The following NEK4 variants were observed in gnomAD, a reference collection of about 807,000 sequenced individuals.
NEK4 encodes NIMA related kinase 4.
NEK4 carries 86 observed loss-of-function variants against 98.4 expected under a neutral mutation model. The ratio of observed to expected loss-of-function variants is 0.87; its 90% CI spans 0.73 to 1.05. The LOEUF is 1.05. NEK4 is among the 50% of genes least tolerant of loss of function. The pLI is 0.00. For synonymous variants in NEK4, 328 were observed against 342.2 expected, an observed-to-expected ratio of 0.96 and a Z score of 0.46; for missense variants, 898 against 950.3, an observed-to-expected ratio of 0.94 and a Z score of 0.72.
At chr3:52,739,182 C>T (rs1578652090) in intron 14 of NEK4, among the ~76,000 whole-genome samples, 2 of 152,240 alleles carry the variant, frequency 1.3e-5, no homozygotes, top group South Asian at 2.1e-4. Flanking sequence ...GGAGGATCAC[C>T]TTAAGTCAGG....
At chr3:52,766,678 T>G (rs1214218204) in intron 2 of NEK4, among the ~76,000 whole-genome samples, 1 of 152,232 alleles carries the variant, frequency 6.6e-6, no homozygotes, top group Non-Finnish European at 1.5e-5. Flanking sequence ...TGGCATTACA[T>G]GAATCCAGTT....
intron 15 of NEK4, chr3:52,732,630 G>T: frequency 3.1e-6 from 1 of 318,706 alleles, no homozygotes. Flanking sequence ...AATTCTCTCA[G>T]GAGGAGTGGA....
chr3:52,746,696 C>G (rs377613793), intron 9 of NEK4, 38 bp downstream of exon 9: 6 of 1,557,218 alleles, frequency 3.9e-6, no homozygotes, highest in Non-Finnish European at 5.2e-6. Context: ...ATTGAGTTTC[C>G]CAAAGTCCAC....
Position 52,751,142 on chromosome 3 carries a change from C to T in NEK4, c.1368+790G>A, listed in dbSNP as rs149856941. ...CCTGACCAACATGAAGAAACCCCGT[C>T]TGTACTAAAAACACAAAAGTAGCCG... is the stretch of plus-strand genomic sequence containing the variant. On this transcript the variant is annotated intron_variant, in intron 7 of 15. Transcript: ENST00000233027. Among the ~76,000 whole-genome samples, 317 of 152,196 alleles carry T rather than the reference C, an allele frequency of 2.1e-3. 1 individual carries two copies. The highest frequency in any genetic ancestry group is 3.8e-3 in the Non-Finnish European group (259 of 68,020).
intron 6 of NEK4, among the ~76,000 whole-genome samples, chr3:52,760,518 T>C (rs1190316933): frequency 6.6e-6 from 1 of 152,208 alleles, no homozygotes; most frequent in Non-Finnish European, 1.5e-5. Flanking sequence ...CGCTCAGCCT[T>C]AACTGTTTAC....
rs181574775 is a variant in NEK4 at position 52,749,131 on chromosome 3, T to C, written c.1506+561A>G. Among the ~76,000 whole-genome samples, 981 of 151,710 alleles carry C rather than the reference T, an allele frequency of 6.5e-3. 10 individuals carry two copies. Among genetic ancestry groups the C allele is most frequent in the African/African-American group, 0.022 (929 of 41,394 alleles). On this transcript the variant is annotated intron_variant, in intron 8 of 15. Transcript: ENST00000233027. ...GGGGAGGATGGGAGACAATATTTTA[T>C]TTTCCTTTTTTGTTTTTTTGAGATG...
chr3:52,718,697 T>C (rs893131737), intron 15 of NEK4, among the ~76,000 whole-genome samples: 9 of 152,080 alleles, frequency 5.9e-5, no homozygotes, highest in African/African-American at 2.2e-4. Context: ...GCCACCAAGC[T>C]AGCACGCAGA....
chr3:52,763,333 T>TC (rs1466087292), intron 5 of NEK4, 137 bp downstream of exon 5: 11 of 883,126 alleles, frequency 1.2e-5, no homozygotes, highest in Non-Finnish European at 1.9e-5. Flanking sequence ...TTTTGCCTCC[T>TC]CTACATATGT....
intron 6 of NEK4, chr3:52,754,569 GA>G: frequency 7.4e-7 from 1 of 1,348,608 alleles, no homozygotes; most frequent in African/African-American, 1.4e-5. Context: ...TGAAGCCAGA[GA>G]AAAGATGCTG....
chr3:52,731,964 C>T (rs2097370185), intron 15 of NEK4, among the ~76,000 whole-genome samples: 1 of 152,200 alleles, frequency 6.6e-6, no homozygotes, highest in African/African-American at 2.4e-5. Context: ...GGGCAGTCCC[C>T]CTGCACACAC....
intron 1 of NEK4, among the ~76,000 whole-genome samples, chr3:52,768,990 C>T (rs908653094): frequency 2.6e-5 from 4 of 152,130 alleles, no homozygotes; most frequent in South Asian, 2.1e-4. Flanking sequence ...GAGGGTGAGG[C>T]GGGTGGATCA....
chr3:52,752,338 T>C lies in NEK4; in HGVS notation c.964-2A>G. 1 of 1,605,930 alleles carries C rather than the reference T, an allele frequency of 6.2e-7. No homozygotes were observed. Among genetic ancestry groups the C allele is most frequent in the Non-Finnish European group, 8.5e-7 (1 of 1,175,886 alleles). Reference sequence around the variant, plus strand: ...CTGGGACAAACATTTGCCTTCACCCTGAATGAAAAGATGTTTGGAAATTAT... The same window carrying C: ...CTGGGACAAACATTTGCCTTCACCCCGAATGAAAAGATGTTTGGAAATTAT... On this transcript the variant is annotated splice_acceptor_variant, in intron 6 of 15. Coordinates refer to ENST00000233027, the MANE Select transcript of NEK4 (RefSeq NM_003157.6). LOFTEE classifies it high-confidence loss of function.
chr3:52,751,685 T>C (rs182819260), intron 7 of NEK4, among the ~76,000 whole-genome samples: 2 of 152,236 alleles, frequency 1.3e-5, no homozygotes, highest in Admixed American at 6.5e-5. Context: ...ATTCCATTTA[T>C]ATGAAATCCT....
intron 14 of NEK4, among the ~76,000 whole-genome samples, chr3:52,739,154 C>T (rs2097381326): frequency 6.6e-6 from 1 of 152,186 alleles, no homozygotes; most frequent in Admixed American, 6.5e-5. Context: ...AATCCCAACA[C>T]TTTGGGAGGC....
At chr3:52,714,271 T>G (rs948684171) in intron 15 of NEK4, among the ~76,000 whole-genome samples, 2 of 152,190 alleles carry the variant, frequency 1.3e-5, no homozygotes, top group Admixed American at 6.5e-5. Flanking sequence ...GAAAATGACA[T>G]TCGAATTTTT....
intron 6 of NEK4, chr3:52,753,789 C>A: frequency 1.9e-6 from 1 of 512,922 alleles, no homozygotes; most frequent in Non-Finnish European, 3.9e-6. Context: ...GCGGAGCAGA[C>A]GTTATTAGGT....
At chr3:52,751,454 T>TAAA (rs2097404842) in intron 7 of NEK4, among the ~76,000 whole-genome samples, 1 of 56,730 alleles carries the variant, frequency 1.8e-5, no homozygotes, top group Non-Finnish European at 3.5e-5. Context: ...GGACTCTGTC[T>TAAA]CAAAAAAAAA....
chr3:52,743,302 C>A, intron 12 of NEK4, 50 bp downstream of exon 12: 1 of 1,432,100 alleles, frequency 7.0e-7, no homozygotes, highest in Non-Finnish European at 9.8e-7. Flanking sequence ...CTGCATTAGG[C>A]CTGCCAGATG....
At chr3:52,769,887 T>C (rs982519322) in intron 1 of NEK4, among the ~76,000 whole-genome samples, 3 of 152,122 alleles carry the variant, frequency 2.0e-5, no homozygotes, top group Admixed American at 2.0e-4. Context: ...CAGATTTAAA[T>C]TTGAGAAAGA....
Sources: allele counts gnomAD v4.1 joint callset (sites outside exome capture counted in the v4.1 genomes callset), GRCh38; gene constraint gnomAD v4.1.1; transcripts MANE v1.5; gene names NCBI Gene and HGNC (gene_info 2026-07-23, HGNC 2026-07-21).